The following MMRN1 variants were observed in gnomAD, a reference collection of about 807,000 sequenced individuals.
MMRN1 encodes multimerin 1.
A neutral mutation model predicts 100.7 loss-of-function variants in MMRN1; 94 were observed. The observed-to-expected ratio is 0.93, with a 90% CI of 0.79 to 1.11. The LOEUF is 1.11. Among genes scored for constraint, MMRN1 ranks in the 50% least tolerant of loss-of-function variants. The pLI is 0.00. For synonymous variants in MMRN1, 575 were observed against 505.0 expected, an observed-to-expected ratio of 1.14 and a Z score of -1.86; for missense variants, 1,606 against 1,439.1, an observed-to-expected ratio of 1.12 and a Z score of -1.88.
At chr4:89,924,100 T>C (rs957705322) in intron 4 of MMRN1, among the ~76,000 whole-genome samples, 2 of 152,120 alleles carry the variant, frequency 1.3e-5, no homozygotes, top group Non-Finnish European at 2.9e-5. Context: ...AGTCTCTTTA[T>C]CTTTGATTAA....
chr4:89,897,942 T>C (rs1442135), intron 1 of MMRN1, among the ~76,000 whole-genome samples: 89,048 of 152,012 alleles, frequency 0.59, 26,761 homozygotes, highest in East Asian at 0.78. Flanking sequence ...CTGGATTTTC[T>C]AACAAAAATA....
At position 89,954,093 on chromosome 4, in the gene MMRN1, C is replaced by T. The variant is rs1723273485; in HGVS notation, c.*675C>T. Reference sequence around the variant, plus strand: ...GTGGATCATTTACCGCCCCCCGCCCCACAACATCTATAAGGGGCAAAAAGT... The same window carrying T: ...GTGGATCATTTACCGCCCCCCGCCCTACAACATCTATAAGGGGCAAAAAGT... On this transcript the variant is annotated 3_prime_UTR_variant, in exon 8 of 8. Coordinates refer to ENST00000264790, the MANE Select transcript of MMRN1 (RefSeq NM_007351.3). The T allele has an allele frequency of 6.6e-6, 1 of 152,184 alleles. No individual in the cohort carries two copies. The highest frequency in any genetic ancestry group is 1.5e-5 in the Non-Finnish European group (1 of 68,092). The allele number at this position is 152,184 out of a possible 1,614,324, so 9.4% of individuals were successfully genotyped here. A position where few individuals can be genotyped will look rare whatever the true frequency, so the allele number is the denominator to read the frequency against.
At chr4:89,915,322 C>T (rs985872771) in intron 3 of MMRN1, among the ~76,000 whole-genome samples, 1 of 151,494 alleles carries the variant, frequency 6.6e-6, no homozygotes, top group African/African-American at 2.4e-5. Flanking sequence ...ACACTCTGTA[C>T]CATAAGTGGT....
At chr4:89,939,741 T>C (rs1429394402) in intron 6 of MMRN1, among the ~76,000 whole-genome samples, 1 of 152,194 alleles carries the variant, frequency 6.6e-6, no homozygotes, top group African/African-American at 2.4e-5. Context: ...ATGCATCATA[T>C]GTTCTTCAGT....
At chr4:89,886,133 C>T (rs1368468672) in intron 1 of MMRN1, among the ~76,000 whole-genome samples, 2 of 151,080 alleles carry the variant, frequency 1.3e-5, no homozygotes, top group East Asian at 1.9e-4. Context: ...TCAGACAATC[C>T]GCCTGCCTCA....
intron 1 of MMRN1, among the ~76,000 whole-genome samples, chr4:89,896,544 T>C (rs1028894891): frequency 2.6e-5 from 4 of 152,128 alleles, no homozygotes; most frequent in African/African-American, 9.6e-5. Context: ...AGTTTAGTAT[T>C]GCAAAACTAA....
At chr4:89,884,501 A>G (rs1720892142) in intron 1 of MMRN1, among the ~76,000 whole-genome samples, 1 of 152,172 alleles carries the variant, frequency 6.6e-6, no homozygotes, top group South Asian at 2.1e-4. Flanking sequence ...TGGCTAGCAT[A>G]TGAACTACGA....
intron 1 of MMRN1, among the ~76,000 whole-genome samples, chr4:89,882,598 C>G (rs953364542): frequency 6.6e-6 from 1 of 151,722 alleles, no homozygotes; most frequent in Non-Finnish European, 1.5e-5. Context: ...AGTTGACTCT[C>G]TGTGTTGTAG....
At chr4:89,894,835 A>C, upstream of MMRN1, 1 of 1,419,848 alleles carries the variant, frequency 7.0e-7, no homozygotes, top group Non-Finnish European at 9.2e-7. Flanking sequence ...TACAAAACAC[A>C]GAAACCTGTT....
At chr4:89,915,970 C>T (rs576399647) in intron 3 of MMRN1, among the ~76,000 whole-genome samples, 2 of 151,630 alleles carry the variant, frequency 1.3e-5, no homozygotes, top group South Asian at 4.2e-4. Context: ...TGTGGCAGTC[C>T]TTGTGATAGA....
intron 6 of MMRN1, among the ~76,000 whole-genome samples, chr4:89,947,991 TA>T (rs1723040678): frequency 6.6e-6 from 1 of 152,118 alleles, no homozygotes; most frequent in South Asian, 2.1e-4. Context: ...TAGCTGGGAT[TA>T]CAGGCACACA....
At chr4:89,881,905 C>T (rs1311508303) in intron 1 of MMRN1, among the ~76,000 whole-genome samples, 1 of 151,898 alleles carries the variant, frequency 6.6e-6, no homozygotes, top group Non-Finnish European at 1.5e-5. Flanking sequence ...AAATTGCTTT[C>T]TGGGCTATTT....
chr4:89,943,661 G>T (rs1722899391), intron 6 of MMRN1, among the ~76,000 whole-genome samples: 2 of 152,112 alleles, frequency 1.3e-5, no homozygotes. Flanking sequence ...CAAGGCTCTG[G>T]CTCAGAAAGC....
intron 6 of MMRN1, among the ~76,000 whole-genome samples, chr4:89,948,037 A>G (rs1165632420): frequency 1.3e-5 from 2 of 152,248 alleles, no homozygotes. Flanking sequence ...TTTTTAGTAG[A>G]GATGGGGTTT....
rs541766401 is a variant in MMRN1 at position 89,925,258 on chromosome 4, C to T, written c.955+1986C>T. ...CTCAACCAATCCTCCTGCCTCAGTG[C>T]CCAAGCAGCTGGGAATACAGGCACG... On this transcript the variant is annotated intron_variant, in intron 4 of 7. Coordinates refer to ENST00000264790, the MANE Select transcript of MMRN1 (RefSeq NM_007351.3). Among the ~76,000 whole-genome samples the T allele has an allele frequency of 1.9e-3, 280 of 149,804 alleles. 1 individual carries two copies. Among genetic ancestry groups the T allele is most frequent in the African/African-American group, 6.1e-3 (250 of 40,880 alleles).
At chr4:89,901,630 A>G (rs921902789) in intron 1 of MMRN1, among the ~76,000 whole-genome samples, 1 of 152,026 alleles carries the variant, frequency 6.6e-6, no homozygotes, top group Non-Finnish European at 1.5e-5. Flanking sequence ...AAACCATTAT[A>G]CTAAAGGGTA....
chr4:89,900,367 T>C (rs1721345873), intron 1 of MMRN1, among the ~76,000 whole-genome samples: 1 of 152,102 alleles, frequency 6.6e-6, no homozygotes, highest in Non-Finnish European at 1.5e-5. Flanking sequence ...GAAACTTTTT[T>C]TGCTCTTGCT....
Position 89,894,861 on chromosome 4 carries a change from A to C in MMRN1, c.-111A>C. The stretch of plus-strand genomic sequence containing the variant: ...GAAACCTGTTTCCTCTACACATCTC[A>C]AACTGGCAAAACTCAGTCTTAGCAG... On this transcript the variant is annotated 5_prime_UTR_variant, in exon 1 of 8. Coordinates refer to ENST00000264790, the MANE Select transcript of MMRN1 (RefSeq NM_007351.3). 1 of 1,481,578 alleles carries C rather than the reference A, an allele frequency of 6.7e-7. No individual in the cohort carries two copies. Among genetic ancestry groups the C allele is most frequent in the Non-Finnish European group, 8.9e-7 (1 of 1,119,710 alleles). 91.8% of individuals were successfully genotyped at this position (1,481,578 alleles called of 1,614,324 possible).
chr4:89,949,251 G>A (rs992578377), intron 6 of MMRN1, among the ~76,000 whole-genome samples: 4 of 152,136 alleles, frequency 2.6e-5, no homozygotes, highest in Non-Finnish European at 5.9e-5. Context: ...CATGAACAGG[G>A]CCAAGGTTAC....
Sources: allele counts gnomAD v4.1 joint callset (sites outside exome capture counted in the v4.1 genomes callset), GRCh38; gene constraint gnomAD v4.1.1; transcripts MANE v1.5; gene names NCBI Gene and HGNC (gene_info 2026-07-23, HGNC 2026-07-21).